The following TEF variants were observed in gnomAD, a reference collection of about 807,000 sequenced individuals.
The protein encoded by TEF is TEF transcription factor, PAR bZIP family member, also known as thyrotroph embryonic factor.
In TEF, 3 loss-of-function variants were observed where a neutral mutation model predicts 20.8. The observed-to-expected ratio is 0.14, with a 90% CI of 0.07 to 0.37. TEF has a LOEUF of 0.37. TEF is among the 10% of genes least tolerant of loss of function. TEF has a pLI of 1.00. For synonymous variants in TEF, 180 were observed against 171.1 expected, an observed-to-expected ratio of 1.05 and a Z score of -0.41; for missense variants, 296 against 397.9, an observed-to-expected ratio of 0.74 and a Z score of 2.18.
At chr22:41,376,053 T>C (rs931775674) in intron 1 of TEF, among the ~76,000 whole-genome samples, 1 of 152,134 alleles carries the variant, frequency 6.6e-6, no homozygotes, top group Non-Finnish European at 1.5e-5. Context: ...GGGACTGTTC[T>C]ACTAGGTGCG....
chr22:41,392,670 C>CAAAAAA (rs920294546), intron 2 of TEF, among the ~76,000 whole-genome samples: 12 of 39,306 alleles, frequency 3.1e-4, no homozygotes, highest in Non-Finnish European at 4.1e-4. Context: ...TGAGACTCTT[C>CAAAAAA]AAAAAAAAAA....
chr22:41,381,568 A>T (rs2037023113), upstream of TEF, among the ~76,000 whole-genome samples: 1 of 151,938 alleles, frequency 6.6e-6, no homozygotes, highest in South Asian at 2.1e-4. Context: ...CGGGGACAAG[A>T]GGGAGAGGCT....
At chr22:41,374,587 A>G (rs191967443) in intron 1 of TEF, among the ~76,000 whole-genome samples, 1 of 151,708 alleles carries the variant, frequency 6.6e-6, no homozygotes, top group African/African-American at 2.4e-5. Context: ...AAGGCAGTGC[A>G]CACCTGAAAT....
intron 3 of TEF, among the ~76,000 whole-genome samples, chr22:41,394,681 C>T (rs936667768): frequency 9.9e-5 from 15 of 152,214 alleles, no homozygotes; most frequent in African/African-American, 3.6e-4. Context: ...GTTGCCATCC[C>T]CAGGGATGAG....
chr22:41,387,306 G>C lies in TEF; in HGVS notation c.158-45G>C, dbSNP rs764970334. 3.7e-6 allele frequency: 6 copies of C among 1,602,044 alleles called. No homozygotes were observed. In the East Asian group the frequency reaches 1.3e-4, roughly 36 times the overall value. On this transcript the variant is annotated intron_variant, in intron 1 of 3. Transcript: ENST00000266304. Reference sequence around the variant, plus strand: ...CTCACTGCCCACTTCCTGGGATTGAGTTACTCTCCTGTGTGGTATTTCATC... The same window carrying C: ...CTCACTGCCCACTTCCTGGGATTGACTTACTCTCCTGTGTGGTATTTCATC...
At chr22:41,389,110 T>G (rs2037134722) in intron 2 of TEF, among the ~76,000 whole-genome samples, 1 of 152,078 alleles carries the variant, frequency 6.6e-6, no homozygotes. Flanking sequence ...TCATAAATGG[T>G]ATTTTACAGG....
intron 1 of TEF, among the ~76,000 whole-genome samples, chr22:41,371,829 A>G (rs528091482): frequency 2.2e-4 from 34 of 152,242 alleles, no homozygotes; most frequent in African/African-American, 7.7e-4. Context: ...CCTGCACCCA[A>G]TGGGACAGCC....
chr22:41,378,521 A>G (rs896928015), upstream of TEF, among the ~76,000 whole-genome samples: 13 of 151,326 alleles, frequency 8.6e-5, no homozygotes, highest in Non-Finnish European at 1.5e-4. Context: ...AATTTTTTGT[A>G]TTTTTTAGTA....
intron 3 of TEF, 89 bp downstream of exon 3, chr22:41,394,405 G>A: frequency 7.9e-7 from 1 of 1,271,424 alleles, no homozygotes; most frequent in Non-Finnish European, 1.1e-6. Context: ...TATCTGGAGA[G>A]CCTTCCCTCC....
chr22:41,379,116 C>T (rs1317685963), upstream of TEF, among the ~76,000 whole-genome samples: 2 of 151,960 alleles, frequency 1.3e-5, no homozygotes, highest in Admixed American at 6.6e-5. Flanking sequence ...GCGGGTGGAT[C>T]ACCTGAGGTC....
intron 1 of TEF, among the ~76,000 whole-genome samples, chr22:41,369,520 G>A (rs1188678386): frequency 1.3e-5 from 2 of 152,182 alleles, no homozygotes; most frequent in Non-Finnish European, 2.9e-5. Context: ...GAGGGGAAGA[G>A]GGCTGAAGAG....
intron 2 of TEF, among the ~76,000 whole-genome samples, chr22:41,388,528 G>A (rs1465912662): frequency 6.6e-6 from 1 of 150,476 alleles, no homozygotes; most frequent in African/African-American, 2.4e-5. Context: ...CACTATTCAA[G>A]TGCTACCTCC....
In TEF at chr22:41,398,974, G is replaced by C. The variant is rs544810580; in HGVS notation, c.*3014G>C. 1.3e-5 allele frequency: 2 copies of C among 152,792 alleles called. No individual in the cohort carries two copies. The highest frequency in any genetic ancestry group is 1.3e-4 in the Admixed American group (2 of 15,298). The allele number at this position is 152,792 out of a possible 1,614,324, so 9.5% of individuals were successfully genotyped here. On this transcript the variant is annotated 3_prime_UTR_variant, in exon 4 of 4. Coordinates refer to ENST00000266304, the MANE Select transcript of TEF (RefSeq NM_003216.4). The stretch of plus-strand genomic sequence containing the variant: ...AGTGCAATAAATTTTTCTAGAAAAT[G>C]GCAAAGATGACTTCCAGGTGGATAT...
chr22:41,368,217 T>C (rs1280605738), intron 1 of TEF, among the ~76,000 whole-genome samples: 1 of 152,132 alleles, frequency 6.6e-6, no homozygotes, highest in African/African-American at 2.4e-5. Context: ...AAGTCCTGCC[T>C]GGGAACCCCA....
intron 1 of TEF, among the ~76,000 whole-genome samples, chr22:41,369,716 T>C (rs1209335183): frequency 1.3e-5 from 2 of 152,154 alleles, no homozygotes; most frequent in Non-Finnish European, 2.9e-5. Flanking sequence ...TCAGGGACCA[T>C]GTACTTAAGT....
chr22:41,372,576 G>C (rs1011394810), intron 1 of TEF, among the ~76,000 whole-genome samples: 2 of 152,150 alleles, frequency 1.3e-5, no homozygotes, highest in African/African-American at 4.8e-5. Flanking sequence ...CCAGGCTCGT[G>C]TCTACCCATA....
chr22:41,393,635 C>T lies in TEF; in HGVS notation c.476-461C>T, dbSNP rs1032753279. Among the ~76,000 whole-genome samples the T allele has an allele frequency of 2.0e-5, 3 of 151,080 alleles. No individual in the cohort carries two copies. The South Asian group carries it at 6.3e-4, about 32-fold the overall frequency. On this transcript the variant is annotated intron_variant, in intron 2 of 3. Transcript: ENST00000266304. ...AGCCAGGCTTGGTGGCGGGCACCTG[C>T]GGTGGCAGGCGCCTGTAGTCCCAGC...
chr22:41,376,425 G>A (rs909377298), intron 1 of TEF, among the ~76,000 whole-genome samples: 1 of 152,160 alleles, frequency 6.6e-6, no homozygotes, highest in African/African-American at 2.4e-5. Flanking sequence ...ATGGGGTTTT[G>A]CCATGTTGGC....
At chr22:41,369,986 A>G (rs2036862496) in intron 1 of TEF, 1 of 985,400 alleles carries the variant, frequency 1.0e-6, no homozygotes, top group Non-Finnish European at 1.2e-6. Flanking sequence ...TCATGTGCAG[A>G]GCGTATCTCA....
Sources: allele counts gnomAD v4.1 joint callset (sites outside exome capture counted in the v4.1 genomes callset), GRCh38; gene constraint gnomAD v4.1.1; transcripts MANE v1.5; gene names NCBI Gene and HGNC (gene_info 2026-07-23, HGNC 2026-07-21).